The following MYO3B variants were observed in gnomAD, a reference collection of about 807,000 sequenced individuals.
The protein encoded by MYO3B is myosin IIIB.
MYO3B carries 156 observed loss-of-function variants against 174.6 expected under a neutral mutation model. That is an observed-to-expected ratio of 0.89 (90% CI 0.78 to 1.02). The LOEUF (loss-of-function observed/expected upper bound fraction) is 1.02, where lower values mean the gene tolerates loss of function less well. Ranked by LOEUF, MYO3B falls within the 50% of genes least tolerant of loss-of-function variation. The pLI is 0.00. For synonymous variants in MYO3B, 563 were observed against 569.1 expected, an observed-to-expected ratio of 0.99 and a Z score of 0.15; for missense variants, 1,632 against 1,639.4, an observed-to-expected ratio of 1.00 and a Z score of 0.08.
chr2:170,369,979 C>T (rs994548446), intron 9 of MYO3B, among the ~76,000 whole-genome samples: 2 of 151,024 alleles, frequency 1.3e-5, no homozygotes, highest in Admixed American at 1.3e-4. Context: ...ACCTCATCCT[C>T]TTTTTTTTTA....
At chr2:170,329,988 G>GT (rs58907325) in intron 7 of MYO3B, among the ~76,000 whole-genome samples, 8,346 of 152,102 alleles carry the variant, frequency 0.055, 381 homozygotes, top group African/African-American at 0.12. Context: ...GAAATAGAAT[G>GT]TTTTTTTAAC....
intron 32 of MYO3B, among the ~76,000 whole-genome samples, chr2:170,627,850 GGGT>G (rs1696591303): frequency 6.6e-6 from 1 of 152,188 alleles, no homozygotes; most frequent in Non-Finnish European, 1.5e-5. Flanking sequence ...CACCAGCGGA[GGGT>G]GTAGATCAGC....
At chr2:170,413,320 G>A (rs932298370) in intron 22 of MYO3B, among the ~76,000 whole-genome samples, 1 of 152,178 alleles carries the variant, frequency 6.6e-6, no homozygotes, top group Non-Finnish European at 1.5e-5. Context: ...AGGGCCTACA[G>A]CACTGGAAAG....
chr2:170,527,701 C>G (rs1395797448), intron 30 of MYO3B, among the ~76,000 whole-genome samples: 1 of 152,222 alleles, frequency 6.6e-6, no homozygotes, highest in East Asian at 1.9e-4. Context: ...GTCCAACTAC[C>G]TCAATGACCT....
intron 7 of MYO3B, among the ~76,000 whole-genome samples, chr2:170,326,308 C>T (rs1229721843): frequency 6.6e-6 from 1 of 152,056 alleles, no homozygotes; most frequent in Non-Finnish European, 1.5e-5. Flanking sequence ...TGAAACACAT[C>T]TCTTTAAAAT....
chr2:170,298,433 T>C (rs993129458), intron 7 of MYO3B, among the ~76,000 whole-genome samples: 1 of 152,064 alleles, frequency 6.6e-6, no homozygotes, highest in South Asian at 2.1e-4. Flanking sequence ...TCCCAACACT[T>C]TGGGAGGCCG....
rs541991834 is a variant in MYO3B, at chr2:170,437,988, A to G, written c.2651-5979A>G. Reference sequence around the variant, plus strand: ...ATCTCTCTTTTTAAGTATACAATACAGTATCAAATATGTGCACAGTTTTGC... The same window carrying G: ...ATCTCTCTTTTTAAGTATACAATACGGTATCAAATATGTGCACAGTTTTGC... On this transcript the variant is annotated intron_variant, in intron 22 of 34. Transcript: ENST00000408978. Among the ~76,000 whole-genome samples the G allele has an allele frequency of 5.0e-4, 76 of 152,320 alleles. 1 individual carries two copies. Among genetic ancestry groups the G allele is most frequent in the African/African-American group, 1.5e-3 (64 of 41,574 alleles).
intron 6 of MYO3B, among the ~76,000 whole-genome samples, chr2:170,224,544 C>T (rs2092932127): frequency 6.6e-6 from 1 of 151,948 alleles, no homozygotes; most frequent in Non-Finnish European, 1.5e-5. Context: ...TGTGAGACAT[C>T]ATTTTAAAAG....
chr2:170,496,248 G>A (rs1686849464), intron 25 of MYO3B, among the ~76,000 whole-genome samples: 1 of 152,152 alleles, frequency 6.6e-6, no homozygotes, highest in Admixed American at 6.5e-5. Flanking sequence ...AAATAATTCT[G>A]TAGCAGGAAG....
chr2:170,235,908 G>C (rs2105297550), intron 6 of MYO3B, 83 bp from the exon 7 acceptor site: 1 of 1,557,502 alleles, frequency 6.4e-7, no homozygotes, highest in Non-Finnish European at 8.7e-7. Context: ...ACTGAGAACG[G>C]GGCTAAGATC....
intron 22 of MYO3B, among the ~76,000 whole-genome samples, chr2:170,426,844 C>T (rs1328705919): frequency 6.6e-6 from 1 of 151,544 alleles, no homozygotes; most frequent in Non-Finnish European, 1.5e-5. Flanking sequence ...ATAGTGAAAC[C>T]CCGTCTCTAC....
At chr2:170,296,540 G>A (rs1323208531) in intron 7 of MYO3B, among the ~76,000 whole-genome samples, 1 of 152,168 alleles carries the variant, frequency 6.6e-6, no homozygotes, top group Non-Finnish European at 1.5e-5. Context: ...GTGAGATTAG[G>A]AAGAGGCTAC....
intron 32 of MYO3B, among the ~76,000 whole-genome samples, chr2:170,625,810 T>C (rs1415117762): frequency 1.3e-5 from 2 of 152,264 alleles, no homozygotes; most frequent in Non-Finnish European, 2.9e-5. Flanking sequence ...TTTCGTTATG[T>C]ACCCAGTAGT....
intron 32 of MYO3B, among the ~76,000 whole-genome samples, chr2:170,596,606 G>A (rs1330941025): frequency 6.6e-6 from 1 of 152,138 alleles, no homozygotes; most frequent in East Asian, 1.9e-4. Flanking sequence ...AGGTTTATAG[G>A]GGGAAGAACA....
intron 32 of MYO3B, among the ~76,000 whole-genome samples, chr2:170,553,673 G>T (rs902453347): frequency 6.6e-6 from 1 of 152,184 alleles, no homozygotes; most frequent in Admixed American, 6.5e-5. Context: ...TCTTGGGAAG[G>T]CATGATTGGT....
At chr2:170,395,574 C>T (rs1057124652) in intron 16 of MYO3B, among the ~76,000 whole-genome samples, 7 of 152,006 alleles carry the variant, frequency 4.6e-5, no homozygotes, top group Non-Finnish European at 1.0e-4. Context: ...ACTCGGGAGT[C>T]TTGAGGATTT....
At chr2:170,487,993 T>C (rs754687001) in intron 25 of MYO3B, among the ~76,000 whole-genome samples, 7 of 152,210 alleles carry the variant, frequency 4.6e-5, no homozygotes, top group Non-Finnish European at 7.3e-5. Flanking sequence ...GAGAACATCA[T>C]TGAAAACAAA....
At chr2:170,398,481 C>T (rs1434318624) in intron 16 of MYO3B, among the ~76,000 whole-genome samples, 2 of 152,104 alleles carry the variant, frequency 1.3e-5, no homozygotes, top group Non-Finnish European at 2.9e-5. Context: ...TCTAATCCCT[C>T]TCTGCTCCCC....
At chr2:170,478,889 T>C (rs866600551) in intron 25 of MYO3B, among the ~76,000 whole-genome samples, 3 of 137,300 alleles carry the variant, frequency 2.2e-5, no homozygotes, top group Non-Finnish European at 3.1e-5. Flanking sequence ...AGGTTTTACA[T>C]ACACACACAC....
Sources: allele counts gnomAD v4.1 joint callset (sites outside exome capture counted in the v4.1 genomes callset), GRCh38; gene constraint gnomAD v4.1.1; transcripts MANE v1.5; gene names NCBI Gene and HGNC (gene_info 2026-07-23, HGNC 2026-07-21).